Variants in NFYC observed in about 807,000 individuals in gnomAD.
The protein encoded by NFYC is CAAT box DNA-binding protein subunit C.
Under a neutral mutation model 53.1 loss-of-function variants are expected in NFYC, and 25 were observed. The ratio of observed to expected loss-of-function variants is 0.47; its 90% CI spans 0.34 to 0.66. NFYC has a LOEUF of 0.66. Ranked by LOEUF, NFYC falls within the 30% of genes least tolerant of loss-of-function variation. The pLI, the probability that NFYC is intolerant of heterozygous loss-of-function variation, is 0.01. For missense variants in NFYC, 260 were observed against 422.7 expected (o/e 0.62, Z 3.38); for synonymous variants, 145 against 152.6 (o/e 0.95, Z 0.37).
At chr1:40,728,321 G>A (rs1013648253) in intron 1 of NFYC, among the ~76,000 whole-genome samples, 1 of 152,114 alleles carries the variant, frequency 6.6e-6, no homozygotes, top group African/African-American at 2.4e-5. Context: ...TCTCGGCTGG[G>A]CGCGATGGTT....
chr1:40,746,274 G>A (rs1008608562), intron 2 of NFYC, among the ~76,000 whole-genome samples: 1 of 152,184 alleles, frequency 6.6e-6, no homozygotes, highest in Non-Finnish European at 1.5e-5. Context: ...GTAGAGCAGA[G>A]TGGTAGCCAA....
At chr1:40,700,372 C>T (rs1184884750) in intron 1 of NFYC, among the ~76,000 whole-genome samples, 1 of 152,102 alleles carries the variant, frequency 6.6e-6, no homozygotes, top group Non-Finnish European at 1.5e-5. Flanking sequence ...GATGGGGTCT[C>T]ACTTTCTTGC....
intron 1 of NFYC, among the ~76,000 whole-genome samples, chr1:40,707,181 AG>A (rs1007828609): frequency 2.6e-5 from 4 of 151,682 alleles, no homozygotes; most frequent in African/African-American, 9.7e-5. Flanking sequence ...AAAAAAAAAA[AG>A]AAAATTTTTT....
intron 6 of NFYC, among the ~76,000 whole-genome samples, chr1:40,759,460 AAGG>A (rs995403198): frequency 5.9e-5 from 9 of 151,990 alleles, no homozygotes; most frequent in African/African-American, 2.2e-4. Context: ...CGCTTGAGCC[AAGG>A]AGGTCAAGGC....
intron 1 of NFYC, among the ~76,000 whole-genome samples, chr1:40,730,182 TTTTC>T (rs1433932711): frequency 2.0e-5 from 3 of 147,898 alleles, no homozygotes; most frequent in Admixed American, 1.4e-4. Context: ...ACTGGCTAAT[TTTTC>T]TTTCTTTTCT....
At chr1:40,727,212 TTTGG>T (rs537086608) in intron 1 of NFYC, among the ~76,000 whole-genome samples, 126 of 152,128 alleles carry the variant, frequency 8.3e-4, no homozygotes, top group African/African-American at 2.5e-3. Flanking sequence ...TGTTTGTTTG[TTTGG>T]TTGGTTGGTT....
chr1:40,748,324 G>A lies in NFYC; in HGVS notation c.177+719G>A, dbSNP rs186487654. Among the ~76,000 whole-genome samples the A allele has an allele frequency of 1.5e-3, 231 of 150,546 alleles. 1 individual carries two copies. Among genetic ancestry groups the A allele is most frequent in the African/African-American group, 5.3e-3 (218 of 40,934 alleles). On this transcript the variant is annotated intron_variant, in intron 3 of 9. Transcript: ENST00000447388. ...ATTTTTAATGTTTTTTTGGAGTGGG[G>A]GACAGGATCTCACCATGTTGTCCAG...
At chr1:40,696,087 G>A (rs1045267075) in intron 1 of NFYC, among the ~76,000 whole-genome samples, 13 of 149,842 alleles carry the variant, frequency 8.7e-5, no homozygotes, top group Non-Finnish European at 1.5e-4. Flanking sequence ...GCAATGGCGC[G>A]ATCTTGGCTC....
intron 1 of NFYC, among the ~76,000 whole-genome samples, chr1:40,693,256 A>G (rs1451897906): frequency 6.6e-6 from 1 of 152,186 alleles, no homozygotes; most frequent in African/African-American, 2.4e-5. Flanking sequence ...TTTTATTCCA[A>G]TCCAGAGTCG....
chr1:40,757,995 A>G (rs1025937542), intron 5 of NFYC, 126 bp from the exon 6 acceptor site: 4 of 1,011,450 alleles, frequency 4.0e-6, no homozygotes, highest in Non-Finnish European at 5.9e-6. Context: ...TTTGGCTTCA[A>G]ATGTGGAGAG....
intron 7 of NFYC, among the ~76,000 whole-genome samples, chr1:40,765,409 G>A (rs1459239552): frequency 1.3e-5 from 2 of 152,204 alleles, no homozygotes; most frequent in Admixed American, 1.3e-4. Context: ...CTGTGAGGCT[G>A]GAAGTCTCAG....
chr1:40,762,506 C>T (rs1358168572), intron 6 of NFYC, among the ~76,000 whole-genome samples: 1 of 152,206 alleles, frequency 6.6e-6, no homozygotes, highest in Non-Finnish European at 1.5e-5. Context: ...CCTCCAAATT[C>T]ACCTGCCCCA....
At chr1:40,713,633 C>T (rs1644018025) in intron 1 of NFYC, among the ~76,000 whole-genome samples, 1 of 152,112 alleles carries the variant, frequency 6.6e-6, no homozygotes, top group Admixed American at 6.5e-5. Context: ...GGGATCTAGT[C>T]TAGTTCCCTT....
chr1:40,732,914 T>A (rs1473645259), intron 1 of NFYC, among the ~76,000 whole-genome samples: 1 of 151,822 alleles, frequency 6.6e-6, no homozygotes, highest in Non-Finnish European at 1.5e-5. Flanking sequence ...GTCCTGGAGC[T>A]CATTTAGTCT....
chr1:40,739,645 G>A (rs561203758), intron 2 of NFYC, among the ~76,000 whole-genome samples: 8 of 152,094 alleles, frequency 5.3e-5, no homozygotes, highest in East Asian at 3.9e-4. Context: ...ATATAACCTC[G>A]GCCTGTGAGG....
Position 40,738,873 on chromosome 1 carries a change from T to C in NFYC, c.30T>C (p.Thr10=), listed in dbSNP as rs79768830. The C allele has an allele frequency of 2.5e-6, 4 of 1,614,128 alleles. No individual in the cohort carries two copies. The highest frequency in any genetic ancestry group is 4.5e-5 in the East Asian group (2 of 44,884). Residue 10 remains threonine (T), a synonymous_variant, in exon 2 of 10, where the codon ACT becomes ACC. Coordinates refer to ENST00000447388, the MANE Select transcript of NFYC (RefSeq NM_014223.5). MSTEGGFGG[T]SSSDAQQSLQ... ...CCACAGAAGGAGGATTTGGTGGTAC[T>C]AGCAGCAGTGATGCCCAGCAAAGCC...
At chr1:40,722,014 C>CA (rs1557779519) in intron 1 of NFYC, among the ~76,000 whole-genome samples, 1 of 151,980 alleles carries the variant, frequency 6.6e-6, no homozygotes, top group Non-Finnish European at 1.5e-5. Flanking sequence ...ACTAAAAATA[C>CA]AAAAAAGTTA....
In NFYC at chr1:40,738,828, A is replaced by AT. The variant is rs756851248; in HGVS notation, c.-8-4dup. ...TCTAATGTGTCTTATGTATGTGTTT[A>AT]TTTTCAGTTGTCGAGATGTCCACAG... is the stretch of plus-strand genomic sequence containing the variant. On this transcript the variant is annotated splice_region_variant and splice_polypyrimidine_tract_variant and intron_variant, in intron 1 of 9. Coordinates refer to ENST00000447388, the MANE Select transcript of NFYC (RefSeq NM_014223.5). 6.2e-7 allele frequency: 1 copy of AT among 1,605,846 alleles called. No homozygotes were observed. Among genetic ancestry groups the AT allele is most frequent in the Admixed American group, 1.7e-5 (1 of 59,880 alleles).
At chr1:40,721,966 G>T (rs9438948) in intron 1 of NFYC, among the ~76,000 whole-genome samples, 2 of 151,928 alleles carry the variant, frequency 1.3e-5, no homozygotes, top group Non-Finnish European at 2.9e-5. Flanking sequence ...GTCAGGAGAT[G>T]GAGACCATCC....
Sources: allele counts gnomAD v4.1 joint callset (sites outside exome capture counted in the v4.1 genomes callset), GRCh38; gene constraint gnomAD v4.1.1; transcripts MANE v1.5; gene names NCBI Gene and HGNC (gene_info 2026-07-23, HGNC 2026-07-21).